Variants in USP42 observed in about 807,000 individuals in gnomAD.
USP42 encodes the protein ubiquitin specific peptidase 42, also known as ubiquitin carboxyl-terminal hydrolase 42.
A neutral mutation model predicts 113.0 loss-of-function variants in USP42; 23 were observed. The ratio of observed to expected loss-of-function variants is 0.20; its 90% confidence interval spans 0.15 to 0.29. The LOEUF (loss-of-function observed/expected upper bound fraction) is 0.29, where lower values mean the gene tolerates loss of function less well. USP42 is among the 10% of genes least tolerant of loss of function. USP42 has a pLI of 1.00. For synonymous variants in USP42, 933 were observed against 699.0 expected (o/e 1.33, Z -5.28); for missense variants, 2,174 against 1,779.8 (o/e 1.22, Z -3.99).
At chr7:6,109,697 G>A (rs900640424) in intron 1 of USP42, among the ~76,000 whole-genome samples, 3 of 143,840 alleles carry the variant, frequency 2.1e-5, no homozygotes, top group Non-Finnish European at 4.5e-5. Context: ...CGCCCCGCCC[G>A]GCCTTTTTTT....
intron 2 of USP42, among the ~76,000 whole-genome samples, chr7:6,113,653 T>C (rs1364393386): frequency 1.3e-5 from 2 of 151,906 alleles, no homozygotes; most frequent in Non-Finnish European, 2.9e-5. Context: ...ACGAAGTCTC[T>C]CTCTGTCGCC....
At chr7:6,128,168 GTCTCGAACTCCTAGCCTC>G (rs1780643596) in intron 3 of USP42, 1 of 151,572 alleles carries the variant, frequency 6.6e-6, no homozygotes, top group Admixed American at 6.6e-5. Flanking sequence ...ACCCAGGCTG[GTCTCGAACTCCTAGCCTC>G]AAGTGATCCT....
In USP42 at chr7:6,139,187, A is replaced by G; in HGVS notation, c.649A>G (p.Ser217Gly). 4 of 1,601,428 alleles carry G rather than the reference A, an allele frequency of 2.5e-6. No homozygotes were observed. Among genetic ancestry groups the G allele is most frequent in the Non-Finnish European group, 2.6e-6 (3 of 1,173,836 alleles). ...DAMQKACLNG[S>G]NKLDRHTQAT... The stretch of plus-strand genomic sequence containing the variant: ...TATGCAGAAAGCATGCTTGAATGGC[A>G]GCAATAAGTAAGTACAACAGAGCGC... Residue 217 changes from serine (S) to glycine (G), a missense_variant, in exon 5 of 18, where the codon AGC (serine) becomes GGC (glycine). Physicochemically the swap from Ser to Gly is moderately conservative, Grantham distance 56. Coordinates refer to ENST00000306177, the MANE Select transcript of USP42 (RefSeq NM_032172.3). This position sits in a 1 kb window ranked among gnomAD's most constrained non-coding sequence, Gnocchi z 4.5.
intron 15 of USP42, among the ~76,000 whole-genome samples, 154 bp downstream of exon 15, chr7:6,155,349 A>T (rs1782384834): frequency 1.3e-5 from 2 of 152,190 alleles, no homozygotes; most frequent in Admixed American, 6.5e-5. Context: ...TTGAGAGTTC[A>T]CTATTTTTAC....
intron 1 of USP42, among the ~76,000 whole-genome samples, chr7:6,108,583 C>A (rs1051240787): frequency 1.3e-5 from 2 of 152,242 alleles, no homozygotes; most frequent in East Asian, 3.9e-4. Context: ...CGGGTTCAAG[C>A]GATTCTCCTA....
Position 6,154,838 on chromosome 7 carries a change from A to G in USP42, c.3284A>G (p.Asp1095Gly), listed in dbSNP as rs770574578. ...RAGLHERPHK[D>G]HNRGRRGCEP... The stretch of plus-strand genomic sequence containing the variant: ...GGGCTGCACGAGCGGCCGCACAAGG[A>G]CCACAACCGGGGCCGTAGGGGCTGC... The change falls in exon 15 of 18, where the codon GAC (aspartate) becomes GGC (glycine). Residue 1095 changes from aspartate to glycine, a missense_variant. By Grantham distance (94) the Asp-to-Gly change is moderately conservative. Coordinates refer to ENST00000306177, the MANE Select transcript of USP42 (RefSeq NM_032172.3). 7 of 1,539,932 alleles carry G rather than the reference A, an allele frequency of 4.5e-6. No homozygotes were observed. The highest frequency in any genetic ancestry group is 1.8e-6 in the Non-Finnish European group (2 of 1,141,426).
At chr7:6,121,002 G>T in intron 3 of USP42, among the ~76,000 whole-genome samples, 1 of 151,440 alleles carries the variant, frequency 6.6e-6, no homozygotes. Context: ...TTATATCTTG[G>T]AACCTTAAGT....
intron 8 of USP42, 137 bp downstream of exon 8, chr7:6,143,151 G>A (rs1007220235): frequency 2.2e-5 from 18 of 803,344 alleles, no homozygotes; most frequent in Admixed American, 9.4e-5. Context: ...CGTCCCTGTC[G>A]TCCAAAGGCG....
the USP42 span, among the ~76,000 whole-genome samples, chr7:6,087,621 G>A: frequency 2.6e-5 from 4 of 150,986 alleles, no homozygotes; most frequent in African/African-American, 9.9e-5. Context: ...ACAGGAATTA[G>A]CTCCCTGCCC....
Position 6,149,619 on chromosome 7 carries a change from G to C in USP42, c.1423G>C (p.Asp475His), listed in dbSNP as rs983432336. ...CTTAAATGGGACTGGACCATTGAAA[G>C]ACACGCCAAGCAGTTCCATGTCGAG... ...PHLNGTGPLK[D>H]TPSSSMSSPN... The change falls in exon 13 of 18, where the codon GAC becomes CAC. Residue 475 changes from aspartate (D) to histidine (H), a missense_variant. Asp to His is a moderately conservative substitution (Grantham distance 81, BLOSUM62 -1). Transcript: ENST00000306177. The C allele has an allele frequency of 2.5e-6, 4 of 1,613,900 alleles. No homozygotes were observed. Among genetic ancestry groups the C allele is most frequent in the Non-Finnish European group, 2.5e-6 (3 of 1,179,862 alleles).
At chr7:6,146,786 G>A (rs1781741681) in intron 11 of USP42, among the ~76,000 whole-genome samples, 1 of 152,254 alleles carries the variant, frequency 6.6e-6, no homozygotes, top group Non-Finnish European at 1.5e-5. Flanking sequence ...AGGTGCAGCT[G>A]CAGGGAGAGG....
In USP42 at chr7:6,159,467, C is replaced by A; in HGVS notation, c.*10C>A. On this transcript the variant is annotated 3_prime_UTR_variant, in exon 17 of 18. Transcript: ENST00000306177. This position sits in a 1 kb window ranked among gnomAD's most constrained non-coding sequence, Gnocchi z 4.1. Reference sequence around the variant, plus strand: ...CTTTCTAGGTGATTGAAAACTCAGCCTCAAAACAAAAAATTCACTAGTTAT... The same window carrying A: ...CTTTCTAGGTGATTGAAAACTCAGCATCAAAACAAAAAATTCACTAGTTAT... The A allele has an allele frequency of 5.6e-6, 9 of 1,613,882 alleles. No homozygotes were observed. Among genetic ancestry groups the A allele is most frequent in the African/African-American group, 1.3e-5 (1 of 75,036 alleles).
intron 2 of USP42, chr7:6,111,976 T>A (rs1436486644): frequency 6.6e-6 from 1 of 152,450 alleles, no homozygotes; most frequent in Non-Finnish European, 1.5e-5. Flanking sequence ...GGGCAAGCAT[T>A]ATAATAACTT....
At chr7:6,092,662 G>A in the USP42 span, among the ~76,000 whole-genome samples, 1 of 151,206 alleles carries the variant, frequency 6.6e-6, no homozygotes, top group Non-Finnish European at 1.5e-5. Context: ...AGTAGGCACA[G>A]CATCTCCAAT....
the USP42 span, chr7:6,081,634 C>A: frequency 6.6e-6 from 1 of 152,276 alleles, no homozygotes; most frequent in African/African-American, 2.4e-5. Flanking sequence ...GCGGCTACCA[C>A]GCGGGAGCAC....
At position 6,160,043 on chromosome 7, in the gene USP42, C is replaced by G. The variant is rs1269975821; in HGVS notation, c.*37-512C>G. On this transcript the variant is annotated intron_variant, in intron 17 of 17. Transcript: ENST00000306177. ...TCGGAGCTGTGGGGCTTTGTTGGAT[C>G]ACTTCACACAGCGGTCCTGGGAGAG... Among the ~76,000 whole-genome samples, 3 of 152,240 alleles carry G rather than the reference C, an allele frequency of 2.0e-5. No individual in the cohort carries two copies. In the East Asian group the frequency reaches 5.8e-4, roughly 29 times the overall value.
chr7:6,114,678 A>ATATATATATATATATATTT (rs1241045063), intron 2 of USP42, among the ~76,000 whole-genome samples: 2 of 18,872 alleles, frequency 1.1e-4, no homozygotes, highest in African/African-American at 7.0e-4. Context: ...ATATATATAT[A>ATATATATATATATATATTT]TTTTTTTTTT....
At chr7:6,137,917 G>A (rs918854373) in intron 4 of USP42, among the ~76,000 whole-genome samples, 1 of 152,274 alleles carries the variant, frequency 6.6e-6, no homozygotes, top group African/African-American at 2.4e-5. Context: ...CTGACCTCAT[G>A]ATCCACCCGC....
chr7:6,098,742 C>A, the USP42 span, among the ~76,000 whole-genome samples: 3 of 150,040 alleles, frequency 2.0e-5, no homozygotes, highest in Non-Finnish European at 3.0e-5. Flanking sequence ...GACGGGGTTT[C>A]ACCATGTTGG....
Sources: allele counts gnomAD v4.1 joint callset (sites outside exome capture counted in the v4.1 genomes callset), GRCh38; gene constraint gnomAD v4.1.1; non-coding constraint Gnocchi (gnomAD v3.1); transcripts MANE v1.5; gene names NCBI Gene and HGNC (gene_info 2026-07-23, HGNC 2026-07-21).